Variants in TSC22D1 observed in about 807,000 individuals in gnomAD.
TSC22D1 encodes TSC22 domain family protein 1.
A neutral mutation model predicts 74.2 loss-of-function variants in TSC22D1; 9 were observed. The ratio of observed to expected loss-of-function variants is 0.12; its 90% CI spans 0.07 to 0.21. The LOEUF (loss-of-function observed/expected upper bound fraction) is 0.21, where lower values mean the gene tolerates loss of function less well. TSC22D1 is among the 10% of genes least tolerant of loss of function. The pLI is 1.00. For synonymous variants in TSC22D1, 586 were observed against 492.5 expected, an observed-to-expected ratio of 1.19 and a Z score of -2.51; for missense variants, 1,427 against 1,304.7, an observed-to-expected ratio of 1.09 and a Z score of -1.44.
chr13:44,467,099 T>C (rs1160248472), intron 1 of TSC22D1, among the ~76,000 whole-genome samples: 4 of 151,206 alleles, frequency 2.6e-5, no homozygotes, highest in Admixed American at 6.6e-5. Context: ...GAGGTGGAGG[T>C]TGCAGTCAGC....
chr13:44,576,192 T>TCC lies in TSC22D1; in HGVS notation c.-120_-119dup. On this transcript the variant is annotated 5_prime_UTR_variant, in exon 1 of 3. Coordinates refer to ENST00000458659, the MANE Select transcript of TSC22D1 (RefSeq NM_183422.4). ...CTGACGCTCCGCCTGGCGCGATTCC[T>TCC]CCTTCTCCTCCTCCTCAGCCAAAGG... 7.4e-7 allele frequency: 1 copy of TCC among 1,354,812 alleles called. No homozygotes were observed. The allele number at this position is 1,354,812 out of a possible 1,614,324, so 83.9% of individuals were successfully genotyped here.
Position 44,575,528 on chromosome 13 carries a change from C to T in TSC22D1, c.547G>A (p.Ala183Thr). The T allele has an allele frequency of 6.2e-7, 1 of 1,614,052 alleles. No homozygotes were observed. Among genetic ancestry groups the T allele is most frequent in the South Asian group, 1.1e-5 (1 of 91,064 alleles). ...SEETLNNFQE[A>T]ETPGAVSPNQ... ...GGAGAGACTGCCCCAGGTGTCTCGGCTTCCTGGAAGTTATTTAGGGTCTCT... is the reference window on the plus strand; with the variant it reads ...GGAGAGACTGCCCCAGGTGTCTCGGTTTCCTGGAAGTTATTTAGGGTCTCT... The change falls in exon 1 of 3, where the codon GCC (alanine) becomes ACC (threonine). Residue 183 changes from alanine to threonine, a missense_variant. Coordinates refer to ENST00000458659, the MANE Select transcript of TSC22D1 (RefSeq NM_183422.4).
intron 1 of TSC22D1, among the ~76,000 whole-genome samples, chr13:44,442,917 A>ATT (rs1875320755): frequency 1.3e-5 from 2 of 150,450 alleles, no homozygotes; most frequent in Non-Finnish European, 3.0e-5. Flanking sequence ...ACTCTGTCAA[A>ATT]AAAAAAAAAA....
At chr13:44,518,169 G>C (rs1232637633) in intron 1 of TSC22D1, among the ~76,000 whole-genome samples, 1 of 151,274 alleles carries the variant, frequency 6.6e-6, no homozygotes, top group Admixed American at 6.6e-5. Flanking sequence ...TTCTTTAAAT[G>C]ACTAGGAATT....
chr13:44,562,880 T>G (rs2051687354), intron 1 of TSC22D1, among the ~76,000 whole-genome samples: 1 of 152,038 alleles, frequency 6.6e-6, no homozygotes, highest in Non-Finnish European at 1.5e-5. Context: ...CCCAGGTGGG[T>G]GGATCACCTG....
chr13:44,465,683 G>A (rs1050265699), intron 1 of TSC22D1, among the ~76,000 whole-genome samples: 1 of 152,110 alleles, frequency 6.6e-6, no homozygotes, highest in East Asian at 1.9e-4. Flanking sequence ...TAAAAAGTTG[G>A]CAATTTGGGC....
intron 1 of TSC22D1, among the ~76,000 whole-genome samples, chr13:44,527,275 A>T (rs1304869352): frequency 6.6e-6 from 1 of 152,178 alleles, no homozygotes; most frequent in Non-Finnish European, 1.5e-5. Flanking sequence ...CGTTTATTTT[A>T]AAAATTCTTA....
chr13:44,542,068 ACTACTTTAAAATAGTTTAAAAC>A (rs963783048), intron 1 of TSC22D1, among the ~76,000 whole-genome samples: 2 of 151,986 alleles, frequency 1.3e-5, no homozygotes, highest in African/African-American at 2.4e-5. Flanking sequence ...GTAAAACTTA[ACTACTTTAAAATAGTTTAAAAC>A]CTATTCAGAA....
chr13:44,437,003 ATTCTCCAGATCCCGCT>A (rs1874741900), intron 1 of TSC22D1: 8 of 898,350 alleles, frequency 8.9e-6, no homozygotes, highest in Non-Finnish European at 1.1e-5. Context: ...CTCCGCCCCC[ATTCTCCAGATCCCGCT>A]CGTGGGGTGG....
intron 1 of TSC22D1, among the ~76,000 whole-genome samples, chr13:44,496,673 G>A (rs545386588): frequency 2.0e-5 from 3 of 150,708 alleles, no homozygotes; most frequent in East Asian, 1.9e-4. Flanking sequence ...CAACAAAAGC[G>A]AGACTCTGTC....
At chr13:44,517,333 A>AACACACACAC (rs3046042) in intron 1 of TSC22D1, among the ~76,000 whole-genome samples, 1 of 148,692 alleles carries the variant, frequency 6.7e-6, no homozygotes, top group Non-Finnish European at 1.5e-5. Context: ...ACAAAAACAA[A>AACACACACAC]ACACACACAC....
intron 1 of TSC22D1, among the ~76,000 whole-genome samples, chr13:44,487,363 G>A (rs1440588079): frequency 6.6e-6 from 1 of 151,510 alleles, no homozygotes. Context: ...GCTGGGCGTG[G>A]TGATGCACAC....
At chr13:44,492,093 T>C (rs1878754005) in intron 1 of TSC22D1, among the ~76,000 whole-genome samples, 1 of 152,202 alleles carries the variant, frequency 6.6e-6, no homozygotes, top group South Asian at 2.1e-4. Flanking sequence ...CATTCATTCA[T>C]GAAATGAACA....
At chr13:44,452,167 G>A (rs1229048340) in intron 1 of TSC22D1, among the ~76,000 whole-genome samples, 1 of 152,044 alleles carries the variant, frequency 6.6e-6, no homozygotes, top group Non-Finnish European at 1.5e-5. Flanking sequence ...ACCCAAATGA[G>A]GTTAAGTAAC....
chr13:44,459,141 C>T (rs986198199), intron 1 of TSC22D1, among the ~76,000 whole-genome samples: 2 of 152,178 alleles, frequency 1.3e-5, no homozygotes, highest in Non-Finnish European at 1.5e-5. Context: ...TCAGCACACA[C>T]TTCTTCCCTT....
At chr13:44,484,160 T>C (rs1359480386) in intron 1 of TSC22D1, among the ~76,000 whole-genome samples, 1 of 152,022 alleles carries the variant, frequency 6.6e-6, no homozygotes, top group Non-Finnish European at 1.5e-5. Flanking sequence ...CTGAAAAAAG[T>C]AGGAACAGGT....
At chr13:44,478,511 T>C (rs1444916570) in intron 1 of TSC22D1, among the ~76,000 whole-genome samples, 2 of 152,032 alleles carry the variant, frequency 1.3e-5, no homozygotes, top group Non-Finnish European at 2.9e-5. Context: ...TGCTTTATTG[T>C]CTCTACAAAG....
chr13:44,531,707 AC>A (rs1180154520), intron 1 of TSC22D1, among the ~76,000 whole-genome samples: 1 of 152,172 alleles, frequency 6.6e-6, no homozygotes, highest in Non-Finnish European at 1.5e-5. Flanking sequence ...TAAATAAAAC[AC>A]CTCATGTCTT....
In TSC22D1 at chr13:44,465,221, A is replaced by G. The variant is rs141023451; in HGVS notation, c.2913-29126T>C. 3.3e-3 allele frequency among the ~76,000 whole-genome samples: 509 copies of G among 152,326 alleles called. 5 individuals are homozygous for G. Among genetic ancestry groups the G allele is most frequent in the Non-Finnish European group, 6.2e-3 (419 of 68,022 alleles). On this transcript the variant is annotated intron_variant, in intron 1 of 2. Transcript: ENST00000458659. ...CCTAATATGGAAATAGCATGTGTGA[A>G]GGTTTAAAGCACAGAGACAGGAATA...
Sources: allele counts gnomAD v4.1 joint callset (sites outside exome capture counted in the v4.1 genomes callset), GRCh38; gene constraint gnomAD v4.1.1; transcripts MANE v1.5; gene names NCBI Gene and HGNC (gene_info 2026-07-23, HGNC 2026-07-21).